Variants in ARMC8 observed in about 807,000 individuals in gnomAD.
ARMC8 encodes armadillo repeat-containing protein 8.
A neutral mutation model predicts 99.3 loss-of-function variants in ARMC8; 20 were observed. The observed-to-expected ratio is 0.20, with a 90% CI of 0.14 to 0.29. ARMC8 has a LOEUF of 0.29. ARMC8 is among the 10% of genes least tolerant of loss of function. The probability of loss-of-function intolerance (pLI) is 1.00; values close to 1 mark genes in which losing one functional copy is unlikely to be tolerated. For synonymous variants in ARMC8, 263 were observed against 278.3 expected (o/e 0.95, Z 0.55); for missense variants, 569 against 809.5 (o/e 0.70, Z 3.60).
At chr3:138,267,094 C>A in intron 14 of ARMC8, 61 bp from the exon 15 acceptor site, 3 of 834,742 alleles carry the variant, frequency 3.6e-6, no homozygotes, top group South Asian at 1.9e-5. Flanking sequence ...TTTTATATCT[C>A]ATTTTATATC....
intron 12 of ARMC8, among the ~76,000 whole-genome samples, chr3:138,256,233 GAA>G (rs2047394157): frequency 6.6e-6 from 1 of 152,110 alleles, no homozygotes; most frequent in African/African-American, 2.4e-5. Flanking sequence ...CAGATGAGTT[GAA>G]ATGTCAGTGG....
intron 2 of ARMC8, among the ~76,000 whole-genome samples, chr3:138,217,194 C>A (rs1347745695): frequency 6.6e-6 from 1 of 152,094 alleles, no homozygotes; most frequent in African/African-American, 2.4e-5. Context: ...ATATCCCCGT[C>A]GTCAAATAAT....
At position 138,295,760 on chromosome 3, in the gene ARMC8, A is replaced by G. The variant is rs142899223; in HGVS notation, c.1989-99A>G. On this transcript the variant is annotated intron_variant, in intron 21 of 21. Transcript: ENST00000469044. The stretch of plus-strand genomic sequence containing the variant: ...TCACCCCAATTCCCTCTGGAGATTT[A>G]CTTTTTTAGACTTCCCCAGCTATCA... The G allele has an allele frequency of 1.4e-4, 191 of 1,383,752 alleles. 1 individual carries two copies. The African/African-American group carries it at 2.1e-3, about 15-fold the overall frequency. The allele number at this position is 1,383,752 out of a possible 1,614,324, so 85.7% of individuals were successfully genotyped here.
chr3:138,190,281 C>CTTTTTTTT (rs141579108), intron 1 of ARMC8, among the ~76,000 whole-genome samples: 5 of 114,356 alleles, frequency 4.4e-5, no homozygotes, highest in Non-Finnish European at 7.2e-5. Context: ...ATTTTCTTAT[C>CTTTTTTTT]TTTTTTTTTT....
chr3:138,207,866 T>C (rs541868166), intron 1 of ARMC8, among the ~76,000 whole-genome samples: 12 of 152,326 alleles, frequency 7.9e-5, no homozygotes, highest in South Asian at 2.1e-4. Flanking sequence ...AAAACATGTG[T>C]TAGCAGGTGC....
intron 1 of ARMC8, among the ~76,000 whole-genome samples, chr3:138,193,406 G>A (rs559898293): frequency 1.2e-4 from 19 of 152,228 alleles, no homozygotes; most frequent in African/African-American, 1.7e-4. Flanking sequence ...GATTACAGGC[G>A]TGTGCCACCG....
chr3:138,259,670 A>G (rs2047578259), intron 12 of ARMC8, among the ~76,000 whole-genome samples: 1 of 152,166 alleles, frequency 6.6e-6, no homozygotes, highest in Admixed American at 6.5e-5. Flanking sequence ...AAGAAGGGTC[A>G]ACTTGTGCCT....
chr3:138,230,106 T>G (rs75237082), intron 6 of ARMC8, among the ~76,000 whole-genome samples: 1 of 152,258 alleles, frequency 6.6e-6, no homozygotes, highest in African/African-American at 2.4e-5. Flanking sequence ...TGAAAAAGTT[T>G]TGAAGTTTCT....
intron 18 of ARMC8, among the ~76,000 whole-genome samples, chr3:138,279,168 A>G (rs968485759): frequency 1.3e-5 from 2 of 152,190 alleles, no homozygotes; most frequent in Admixed American, 6.5e-5. Flanking sequence ...TCCCTTTATT[A>G]AAGAAAGGAA....
Position 138,237,469 on chromosome 3 carries a change from G to A in ARMC8, c.686-13G>A. On this transcript the variant is annotated splice_polypyrimidine_tract_variant and intron_variant, in intron 8 of 21. Transcript: ENST00000469044. ...AGAATTTCCTTAATCATTGTTGTTT[G>A]TTTTATTTCTAGTTTTGGTTGATGG... The A allele has an allele frequency of 3.1e-6, 5 of 1,612,938 alleles. No homozygotes were observed.
intron 1 of ARMC8, chr3:138,188,117 A>G (rs1216939429): frequency 3.5e-5 from 8 of 231,660 alleles, no homozygotes; most frequent in South Asian, 7.4e-5. Flanking sequence ...GCACCTGGGC[A>G]CCGGCTGAAG....
intron 21 of ARMC8, 39 bp downstream of exon 21, chr3:138,290,678 T>C (rs1327405782): frequency 1.4e-6 from 2 of 1,403,490 alleles, no homozygotes; most frequent in South Asian, 1.2e-5. Context: ...TTGGGCTGTG[T>C]TGGATTCTTT....
chr3:138,255,147 A>T (rs950618201), intron 12 of ARMC8, among the ~76,000 whole-genome samples: 2 of 148,310 alleles, frequency 1.3e-5, no homozygotes, highest in South Asian at 2.1e-4. Flanking sequence ...GAGAAGATAG[A>T]CTATTTCCTC....
intron 21 of ARMC8, 104 bp downstream of exon 21, chr3:138,290,743 T>C (rs1019426374): frequency 1.4e-6 from 1 of 719,940 alleles, no homozygotes; most frequent in African/African-American, 1.8e-5. Context: ...TAAAATCTTT[T>C]AGATTCTTAG....
At chr3:138,274,625 A>C (rs2291092) in intron 18 of ARMC8, 81 bp downstream of exon 18, 2 of 1,028,574 alleles carry the variant, frequency 1.9e-6, no homozygotes, top group Non-Finnish European at 1.5e-6. Context: ...GAAATATTCA[A>C]ATCTGCAGAA....
intron 12 of ARMC8, among the ~76,000 whole-genome samples, chr3:138,250,078 T>C (rs955424108): frequency 6.6e-6 from 1 of 152,092 alleles, no homozygotes; most frequent in Admixed American, 6.6e-5. Flanking sequence ...TTATATGACA[T>C]GTGAAGAAAG....
In ARMC8 at chr3:138,223,508, A is replaced by G. The variant is rs1403169056; in HGVS notation, c.314A>G (p.His105Arg). ...ENNVKSLLDC[H>R]IIPALLQGLL... ...AATGTCAAGTCTCTACTGGACTGCC[A>G]TATTATCCCTGCCTTATTGCAAGGT... The change falls in exon 4 of 22, where the codon CAT becomes CGT. Residue 105 changes from histidine (H) to arginine (R), a missense_variant. His to Arg is a conservative substitution (Grantham distance 29). Around this residue, in one of 2 missense-constraint regions of ARMC8, gnomAD observed 342 missense variants for 391.6 expected, o/e 0.87. Coordinates refer to ENST00000469044, the MANE Select transcript of ARMC8 (RefSeq NM_001363941.2). 3.7e-6 allele frequency: 6 copies of G among 1,614,112 alleles called. No homozygotes were observed. The highest frequency in any genetic ancestry group is 1.3e-5 in the African/African-American group (1 of 74,936).
chr3:138,238,620 C>T (rs749172347), intron 9 of ARMC8: 1 of 151,978 alleles, frequency 6.6e-6, no homozygotes, highest in Non-Finnish European at 1.5e-5. Context: ...GAGCATTTGC[C>T]TCTGTCAGTA....
intron 17 of ARMC8, among the ~76,000 whole-genome samples, chr3:138,273,906 TC>T (rs1270035509): frequency 1.3e-5 from 2 of 151,916 alleles, no homozygotes; most frequent in Admixed American, 6.6e-5. Flanking sequence ...AACCTCCACT[TC>T]CCGGGTTCAA....
Sources: gnomAD v4.1 joint callset for allele counts (sites outside exome capture counted in the v4.1 genomes callset) on GRCh38, gnomAD v4.1.1 for gene constraint, gnomAD v4.1.1 regional missense constraint, MANE v1.5 for transcripts, NCBI Gene and HGNC (gene_info 2026-07-23, HGNC 2026-07-21) for gene names.